Variants in HMOX2 observed in about 807,000 individuals in gnomAD.
HMOX2 encodes the protein heme oxygenase (decycling) 2.
A neutral mutation model predicts 33.7 loss-of-function variants in HMOX2; 30 were observed. The observed-to-expected ratio is 0.89, with a 90% CI of 0.67 to 1.21. HMOX2 has a LOEUF of 1.21. HMOX2 is among the 50% of genes most tolerant of loss of function. The probability of loss-of-function intolerance (pLI) is 0.00; values close to 1 mark genes in which losing one functional copy is unlikely to be tolerated. For missense variants in HMOX2, 403 were observed against 399.1 expected, an observed-to-expected ratio of 1.01 and a Z score of -0.08; for synonymous variants, 155 against 155.0, an observed-to-expected ratio of 1.00 and a Z score of 0.00.
intron 1 of HMOX2, among the ~76,000 whole-genome samples, chr16:4,487,236 C>A (rs2058191238): frequency 6.6e-6 from 1 of 151,816 alleles, no homozygotes; most frequent in Admixed American, 6.6e-5. Context: ...TCAGCTTGAG[C>A]AACACAGCAA....
chr16:4,505,446 C>T lies in HMOX2; in HGVS notation c.-41-38C>T, dbSNP rs541984905. The T allele has an allele frequency of 2.0e-5, 21 of 1,034,976 alleles. 1 individual carries two copies. The East Asian group carries it at 3.9e-4, about 19-fold the overall frequency. 64.1% of individuals were successfully genotyped at this position (1,034,976 alleles called of 1,614,324 possible). On this transcript the variant is annotated intron_variant, in intron 1 of 5. Transcript: ENST00000570646. ...GACAGGTATTTGGGGAAGTGACTGC[C>T]GTGGGTGCCACATCACCAGCTCCTT...
At chr16:4,475,186 A>G (rs1275697662), upstream of HMOX2, among the ~76,000 whole-genome samples, 3 of 151,536 alleles carry the variant, frequency 2.0e-5, no homozygotes, top group Admixed American at 2.0e-4. Flanking sequence ...CTCCTGACTT[A>G]AAGTGATCCA....
chr16:4,476,178 C>T (rs991834114), upstream of HMOX2: 1 of 152,314 alleles, frequency 6.6e-6, no homozygotes, highest in African/African-American at 2.4e-5. Context: ...CCCTGAGGCA[C>T]CCTCACACAC....
At chr16:4,483,973 ATT>A (rs34376283) in intron 1 of HMOX2, among the ~76,000 whole-genome samples, 10 of 124,662 alleles carry the variant, frequency 8.0e-5, no homozygotes, top group Admixed American at 1.8e-4. Context: ...ATGCCCAAAA[ATT>A]TTTTTTTTTT....
intron 1 of HMOX2, among the ~76,000 whole-genome samples, chr16:4,485,985 A>G (rs980808198): frequency 2.2e-4 from 33 of 152,112 alleles, no homozygotes; most frequent in Non-Finnish European, 2.9e-4. Flanking sequence ...CAGCCTCCCA[A>G]AGTGCTGGGA....
At chr16:4,499,942 A>G (rs1022176549) in intron 1 of HMOX2, among the ~76,000 whole-genome samples, 1 of 152,246 alleles carries the variant, frequency 6.6e-6, no homozygotes, top group African/African-American at 2.4e-5. Context: ...CTTGTTACAC[A>G]CACAGGCACA....
At chr16:4,489,659 A>AT (rs2058259520) in intron 1 of HMOX2, among the ~76,000 whole-genome samples, 2 of 152,146 alleles carry the variant, frequency 1.3e-5, no homozygotes, top group South Asian at 2.1e-4. Context: ...GGGTTTCACC[A>AT]TGTTGCCCAG....
intron 1 of HMOX2, among the ~76,000 whole-genome samples, chr16:4,490,484 C>G (rs2058278332): frequency 1.3e-5 from 2 of 152,132 alleles, no homozygotes; most frequent in Non-Finnish European, 2.9e-5. Context: ...AAACGAAAAT[C>G]AAATTTCTCC....
At chr16:4,485,958 A>G (rs1287348387) in intron 1 of HMOX2, among the ~76,000 whole-genome samples, 2 of 152,234 alleles carry the variant, frequency 1.3e-5, no homozygotes, top group African/African-American at 2.4e-5. Context: ...TCCTGACCTC[A>G]GGTGATCCAC....
intron 1 of HMOX2, among the ~76,000 whole-genome samples, chr16:4,484,803 C>G (rs1194030639): frequency 6.6e-6 from 1 of 152,126 alleles, no homozygotes; most frequent in Non-Finnish European, 1.5e-5. Flanking sequence ...TGCATATAAC[C>G]TATGCATATC....
intron 1 of HMOX2, among the ~76,000 whole-genome samples, chr16:4,480,612 A>G (rs935537541): frequency 4.1e-5 from 6 of 146,532 alleles, no homozygotes; most frequent in East Asian, 2.0e-4. Flanking sequence ...CCCAATTAGA[A>G]TTAGAGGTGG....
intron 1 of HMOX2, among the ~76,000 whole-genome samples, chr16:4,503,134 CA>C (rs75450029): frequency 1.5e-3 from 205 of 140,680 alleles, no homozygotes; most frequent in Middle Eastern, 3.5e-3. Context: ...GTACTTTTAC[CA>C]AAAAAAAAAA....
At chr16:4,504,455 G>C (rs927494396) in intron 1 of HMOX2, among the ~76,000 whole-genome samples, 1 of 148,658 alleles carries the variant, frequency 6.7e-6, no homozygotes, top group African/African-American at 2.5e-5. Flanking sequence ...CTGCTTCGTA[G>C]GTTCAAGTGA....
At chr16:4,485,486 A>T (rs1310307571) in intron 1 of HMOX2, among the ~76,000 whole-genome samples, 1 of 152,152 alleles carries the variant, frequency 6.6e-6, no homozygotes, top group Non-Finnish European at 1.5e-5. Flanking sequence ...TGTAAGGTTT[A>T]TGAGAGTTTT....
intron 1 of HMOX2, among the ~76,000 whole-genome samples, chr16:4,497,350 C>G (rs2058447040): frequency 6.6e-6 from 1 of 152,172 alleles, no homozygotes; most frequent in Admixed American, 6.5e-5. Flanking sequence ...GAAGTCTAGC[C>G]TCTGTCCCTG....
chr16:4,479,290 C>T (rs1187162375), intron 1 of HMOX2, among the ~76,000 whole-genome samples: 1 of 152,102 alleles, frequency 6.6e-6, no homozygotes, highest in Non-Finnish European at 1.5e-5. Context: ...TGCTGCTTGT[C>T]GATCTAAGGG....
At chr16:4,493,061 C>G (rs1469644930) in intron 1 of HMOX2, among the ~76,000 whole-genome samples, 1 of 152,130 alleles carries the variant, frequency 6.6e-6, no homozygotes, top group East Asian at 1.9e-4. Flanking sequence ...GAGTCTCGCT[C>G]TGTGGCCCAG....
chr16:4,480,391 C>T (rs1325147556), intron 1 of HMOX2, among the ~76,000 whole-genome samples: 2 of 136,024 alleles, frequency 1.5e-5, no homozygotes, highest in Non-Finnish European at 3.1e-5. Flanking sequence ...GTCACCAGGG[C>T]TGGAGTGCAG....
At chr16:4,480,528 A>T (rs1172918936) in intron 1 of HMOX2, among the ~76,000 whole-genome samples, 2 of 151,684 alleles carry the variant, frequency 1.3e-5, no homozygotes, top group African/African-American at 2.4e-5. Context: ...TATTTTTAGT[A>T]GAGACGGGGT....
Sources: gnomAD v4.1 joint callset for allele counts (sites outside exome capture counted in the v4.1 genomes callset) on GRCh38, gnomAD v4.1.1 for gene constraint, MANE v1.5 for transcripts, NCBI Gene and HGNC (gene_info 2026-07-23, HGNC 2026-07-21) for gene names.